The following PHTF1 variants were observed in gnomAD, a reference collection of about 807,000 sequenced individuals.
PHTF1 encodes protein PHTF1.
Under a neutral mutation model 102.4 loss-of-function variants are expected in PHTF1, and 88 were observed. The observed-to-expected ratio is 0.86, with a 90% confidence interval of 0.72 to 1.03. PHTF1 has a LOEUF of 1.03. PHTF1 is among the 50% of genes least tolerant of loss of function. The pLI is 0.00. For synonymous variants in PHTF1, 289 were observed against 305.2 expected (o/e 0.95, Z 0.55); for missense variants, 814 against 909.5 (o/e 0.89, Z 1.35).
In PHTF1 at chr1:113,704,712, T is replaced by C; in HGVS notation, c.1757A>G (p.Lys586Arg). Residue 586 changes from lysine to arginine, a missense_variant, in exon 14 of 19, where the codon AAG becomes AGG. Lys to Arg is a conservative substitution (Grantham distance 26). Coordinates refer to ENST00000369604, the MANE Select transcript of PHTF1 (RefSeq NM_001323043.2). ...KYEIPHFRLKKVENIKIWLSL... is the reference protein window; with the variant it reads ...KYEIPHFRLKRVENIKIWLSL... ...TAACCATATTTTAATATTCTCCACC[T>C]TCTTAAGTCTGAAATGAGGTATTTC... The C allele has an allele frequency of 6.3e-7, 1 of 1,590,480 alleles. No homozygotes were observed. The highest frequency in any genetic ancestry group is 1.1e-5 in the South Asian group (1 of 90,270).
chr1:113,742,081 A>T (rs1267536300), intron 3 of PHTF1, among the ~76,000 whole-genome samples: 1 of 152,222 alleles, frequency 6.6e-6, no homozygotes, highest in Non-Finnish European at 1.5e-5. Context: ...ACATATAGTC[A>T]TGCATCACTT....
At chr1:113,710,503 T>C in intron 10 of PHTF1, 28 bp from the exon 11 acceptor site, 2 of 1,518,274 alleles carry the variant, frequency 1.3e-6, no homozygotes, top group Non-Finnish European at 1.8e-6. Context: ...AAGCAAAAAA[T>C]GTTATTCATC....
At chr1:113,749,557 G>T (rs1657712474) in intron 3 of PHTF1, 1 of 152,194 alleles carries the variant, frequency 6.6e-6, no homozygotes, top group Non-Finnish European at 1.5e-5. Context: ...CTCTGGCTCA[G>T]CCTCTCCAGA....
At chr1:113,738,011 C>A in intron 5 of PHTF1, 99 bp downstream of exon 5, 1 of 832,504 alleles carries the variant, frequency 1.2e-6, no homozygotes, top group Non-Finnish European at 1.9e-6. Flanking sequence ...TTTAAACTGT[C>A]AAATGAAAGG....
chr1:113,713,330 CA>C lies in PHTF1; in HGVS notation c.731del (p.Met244SerfsTer44). ...KRRQCRPEIR[M>X]WQTREKAKFS... Reference sequence around the variant, plus strand: ...ATTTTGCTTTCTCTCTTGTTTGCCACATTCTAATCTCTGGTCGACATTGTCT... The same window carrying C: ...ATTTTGCTTTCTCTCTTGTTTGCCACTTCTAATCTCTGGTCGACATTGTCT... On this transcript the variant is annotated frameshift_variant, in exon 8 of 19. Coordinates refer to ENST00000369604, the MANE Select transcript of PHTF1 (RefSeq NM_001323043.2). LOFTEE classifies it high-confidence loss of function. 6.2e-7 allele frequency: 1 copy of C among 1,613,752 alleles called. No individual in the cohort carries two copies. Among genetic ancestry groups the C allele is most frequent in the South Asian group, 1.1e-5 (1 of 91,074 alleles).
intron 7 of PHTF1, among the ~76,000 whole-genome samples, chr1:113,718,262 C>T (rs1652379877): frequency 6.6e-6 from 1 of 152,208 alleles, no homozygotes; most frequent in South Asian, 2.1e-4. Flanking sequence ...GACTCCAGGT[C>T]TCACACATCC....
In PHTF1 at chr1:113,724,863, C is replaced by T. The variant is rs1371903277; in HGVS notation, c.519G>A (p.Gly173=). ...AGGAGTTATTTCCATTTTCTCGGCTCCCATCACCATTTACAGTTTTTCGTA... is the reference window on the plus strand; with the variant it reads ...AGGAGTTATTTCCATTTTCTCGGCTTCCATCACCATTTACAGTTTTTCGTA... ...RKLRKTVNGD[G]SRENGNNSSD... is the part of the protein sequence containing the mutation. The change falls in exon 7 of 19, where the codon GGG becomes GGA. Residue 173 remains glycine (G), a synonymous_variant. Coordinates refer to ENST00000369604, the MANE Select transcript of PHTF1 (RefSeq NM_001323043.2). The T allele has an allele frequency of 1.9e-6, 3 of 1,606,344 alleles. No homozygotes were observed. The highest frequency in any genetic ancestry group is 1.7e-6 in the Non-Finnish European group (2 of 1,176,296).
Position 113,710,391 on chromosome 1 carries a change from T to C in PHTF1, c.1132A>G (p.Thr378Ala). 6.2e-7 allele frequency: 1 copy of C among 1,614,102 alleles called. No individual in the cohort carries two copies. The highest frequency in any genetic ancestry group is 1.1e-5 in the South Asian group (1 of 91,080). Residue 378 changes from threonine (T) to alanine (A), a missense_variant, in exon 11 of 19, where the codon ACT becomes GCT. By Grantham distance (58) the Thr-to-Ala change is moderately conservative. Coordinates refer to ENST00000369604, the MANE Select transcript of PHTF1 (RefSeq NM_001323043.2). ...DSESTRHDSE[T>A]EDMLWDDLLH... ...AGGTCGTCCCATAACATGTCCTCAG[T>C]CTCCGAGTCATGGCGGGTGCTTTCT...
chr1:113,721,910 G>A (rs986147962), intron 7 of PHTF1, among the ~76,000 whole-genome samples: 1 of 151,224 alleles, frequency 6.6e-6, no homozygotes, highest in African/African-American at 2.4e-5. Context: ...TAACCAGGAT[G>A]GTCTCAACCT....
Position 113,711,969 on chromosome 1 carries a change from A to G in PHTF1, c.928T>C (p.Ser310Pro). Reference sequence around the variant, plus strand: ...GAGTTTAGGTGCCTTGAAAGTATTGATTTTCTATTCTTAACTTCACAACCA... The same window carrying G: ...GAGTTTAGGTGCCTTGAAAGTATTGGTTTTCTATTCTTAACTTCACAACCA... ...DNGCEVKNRKSILSRHLNSQV... is the reference protein window; with the variant it reads ...DNGCEVKNRKPILSRHLNSQV... The change falls in exon 9 of 19, where the codon TCA becomes CCA. Residue 310 changes from serine (S) to proline (P), a missense_variant. Transcript: ENST00000369604. The G allele has an allele frequency of 6.2e-7, 1 of 1,614,058 alleles. No homozygotes were observed. Among genetic ancestry groups the G allele is most frequent in the Non-Finnish European group, 8.5e-7 (1 of 1,179,946 alleles).
At chr1:113,717,192 A>G (rs745611604) in intron 7 of PHTF1, among the ~76,000 whole-genome samples, 3 of 152,238 alleles carry the variant, frequency 2.0e-5, no homozygotes, top group Non-Finnish European at 4.4e-5. Flanking sequence ...GCAAGCCTCA[A>G]TGTAACCCCC....
chr1:113,737,984 C>CTCT, intron 5 of PHTF1, 126 bp downstream of exon 5: 1 of 665,606 alleles, frequency 1.5e-6, no homozygotes, highest in Non-Finnish European at 2.6e-6. Context: ...TGGCATATGT[C>CTCT]TCTTCATTCT....
In PHTF1 at chr1:113,700,804, A is replaced by C. The variant is rs1451904135; in HGVS notation, c.2036T>G (p.Leu679Arg). ...NKKYSNVSIL[L>R]TEQINLYLKM... ...AGGACTGATCAATACCTGTTCTGTAAGTAATATTGAAACATTGCTGTATTT... is the reference window on the plus strand; with the variant it reads ...AGGACTGATCAATACCTGTTCTGTACGTAATATTGAAACATTGCTGTATTT... Residue 679 changes from leucine (L) to arginine (R), a missense_variant, in exon 16 of 19, where the codon CTT becomes CGT. Coordinates refer to ENST00000369604, the MANE Select transcript of PHTF1 (RefSeq NM_001323043.2). The C allele has an allele frequency of 6.2e-7, 1 of 1,613,944 alleles. No individual in the cohort carries two copies. The highest frequency in any genetic ancestry group is 8.5e-7 in the Non-Finnish European group (1 of 1,179,890).
intron 17 of PHTF1, chr1:113,699,413 A>G: frequency 1.8e-6 from 1 of 547,592 alleles, no homozygotes; most frequent in Non-Finnish European, 3.4e-6. Context: ...TCCTTGATGC[A>G]CAGAGAAGAG....
chr1:113,744,035 A>G (rs560980630), intron 3 of PHTF1, among the ~76,000 whole-genome samples: 1 of 152,352 alleles, frequency 6.6e-6, no homozygotes, highest in East Asian at 1.9e-4. Context: ...AGACTGCTTA[A>G]CTTTGAGAGG....
chr1:113,724,451 G>A (rs1288206221), intron 7 of PHTF1, among the ~76,000 whole-genome samples: 1 of 149,138 alleles, frequency 6.7e-6, no homozygotes, highest in South Asian at 2.1e-4. Flanking sequence ...TGAGGCAGGA[G>A]AATCGCTTGA....
rs1475109439 is a variant in PHTF1, at chr1:113,710,310, C to T, written c.1213G>A (p.Val405Met). The T allele has an allele frequency of 6.2e-7, 1 of 1,614,000 alleles. No individual in the cohort carries two copies. The highest frequency in any genetic ancestry group is 8.5e-7 in the Non-Finnish European group (1 of 1,180,044). Residue 405 changes from valine (V) to methionine (M), a missense_variant, in exon 11 of 19, where the codon GTG becomes ATG. Coordinates refer to ENST00000369604, the MANE Select transcript of PHTF1 (RefSeq NM_001323043.2). ...SVTSDSEGAH[V>M]NTLHSGTKRD... ...TTGGTCCCTGAGTGAAGGGTATTCA[C>T]ATGGGCCCCCTCACTGTCACTGGTG...
intron 7 of PHTF1, among the ~76,000 whole-genome samples, chr1:113,724,204 CT>C (rs1192631268): frequency 1.3e-5 from 2 of 152,128 alleles, no homozygotes. Context: ...TGAAGAACAG[CT>C]TGGAGGTTCT....
chr1:113,706,023 A>G lies in PHTF1; in HGVS notation c.1538T>C (p.Ile513Thr). Residue 513 changes from isoleucine (I) to threonine (T), a missense_variant, in exon 13 of 19, where the codon ATC (isoleucine) becomes ACC (threonine). Transcript: ENST00000369604. ...TGGTGCCCCACAAAAGAGAGTCAAG[A>G]TCTCCTCAGCTGAAATGGACTTTAG... is the stretch of plus-strand genomic sequence containing the variant. ...DQLKSISAEEILTLFCGAPPV... is the reference protein window; with the variant it reads ...DQLKSISAEETLTLFCGAPPV... The G allele has an allele frequency of 6.2e-7, 1 of 1,614,164 alleles. No homozygotes were observed. The highest frequency in any genetic ancestry group is 1.6e-4 in the Middle Eastern group (1 of 6,062).
Sources: allele counts gnomAD v4.1 joint callset (sites outside exome capture counted in the v4.1 genomes callset), GRCh38; gene constraint gnomAD v4.1.1; transcripts MANE v1.5; gene names NCBI Gene and HGNC (gene_info 2026-07-23, HGNC 2026-07-21).